MAPK10: variants seen among roughly 807,000 people sequenced by gnomAD.
MAPK10 encodes the protein mitogen-activated protein kinase 10.
MAPK10 carries 25 observed loss-of-function variants against 59.3 expected under a neutral mutation model. That is an observed-to-expected ratio of 0.42 (90% CI 0.31 to 0.59). MAPK10 has a LOEUF of 0.59. Among genes scored for constraint, MAPK10 ranks in the 20% least tolerant of loss-of-function variants. The pLI is 0.15. For synonymous variants in MAPK10, 190 were observed against 200.5 expected, an observed-to-expected ratio of 0.95 and a Z score of 0.44; for missense variants, 351 against 568.9, an observed-to-expected ratio of 0.62 and a Z score of 3.90.
intron 9 of MAPK10, 66 bp from the exon 10 acceptor site, chr4:86,068,021 T>A: frequency 1.9e-6 from 2 of 1,077,360 alleles, no homozygotes; most frequent in Non-Finnish European, 2.7e-6. Context: ...ATTGGGAGAC[T>A]AACTCTTCTC....
chr4:86,546,892 T>C (rs561949281), intron 1 of MAPK10, among the ~76,000 whole-genome samples: 159 of 152,096 alleles, frequency 1.0e-3, no homozygotes, highest in African/African-American at 3.8e-3. Context: ...CCATCTCTAC[T>C]AAATATACAA....
chr4:86,032,679 G>T (rs138494194), intron 11 of MAPK10: 3 of 152,274 alleles, frequency 2.0e-5, no homozygotes, highest in African/African-American at 7.2e-5. Context: ...TCTAATTCAT[G>T]CAGAATCTGT....
At chr4:86,420,020 C>T (rs1746312609) in intron 1 of MAPK10, among the ~76,000 whole-genome samples, 1 of 152,126 alleles carries the variant, frequency 6.6e-6, no homozygotes, top group Admixed American at 6.5e-5. Context: ...GAATATGTGC[C>T]AAGTGCTACA....
rs747893999 is a variant in MAPK10 at position 86,107,310 on chromosome 4, C to T, written c.279G>A (p.Lys93=). The T allele has an allele frequency of 1.2e-6, 2 of 1,613,304 alleles. No homozygotes were observed. The highest frequency in any genetic ancestry group is 4.5e-5 in the East Asian group (2 of 44,840). The change falls in exon 5 of 14, where the codon AAG becomes AAA. Residue 93 remains lysine, a synonymous_variant. Coordinates refer to ENST00000641462, the MANE Select transcript of MAPK10 (RefSeq NM_138982.4). Reference sequence around the variant, plus strand: ...GGTTCTGAAAGGGTCTGCTGAGCTTCTTAATGGCCACATTTCTGTCAAGGA... The same window carrying T: ...GGTTCTGAAAGGGTCTGCTGAGCTTTTTAATGGCCACATTTCTGTCAAGGA... ...DAVLDRNVAI[K]KLSRPFQNQT...
intron 2 of MAPK10, among the ~76,000 whole-genome samples, chr4:86,206,040 T>A (rs7696316): frequency 0.24 from 36,481 of 151,868 alleles, 5,343 homozygotes; most frequent in African/African-American, 0.4. Context: ...GATTTTTTTT[T>A]AATTTAATTT....
At chr4:86,401,083 C>T (rs1306927268) in intron 1 of MAPK10, among the ~76,000 whole-genome samples, 2 of 152,026 alleles carry the variant, frequency 1.3e-5, no homozygotes, top group Non-Finnish European at 2.9e-5. Context: ...CTTTTATTTT[C>T]CACTTGCCTC....
At chr4:86,409,840 T>C (rs549183599) in intron 1 of MAPK10, among the ~76,000 whole-genome samples, 1 of 152,228 alleles carries the variant, frequency 6.6e-6, no homozygotes, top group Non-Finnish European at 1.5e-5. Context: ...AATTATGTCA[T>C]CTGAAAACAG....
At chr4:86,068,563 C>T (rs966039873) in intron 9 of MAPK10, among the ~76,000 whole-genome samples, 2 of 151,990 alleles carry the variant, frequency 1.3e-5, no homozygotes, top group Non-Finnish European at 2.9e-5. Context: ...AAGAAGCCAC[C>T]TATTTCATAC....
chr4:86,214,697 TG>T (rs1182529040), intron 2 of MAPK10, among the ~76,000 whole-genome samples: 1 of 151,888 alleles, frequency 6.6e-6, no homozygotes, highest in East Asian at 1.9e-4. Context: ...ACTTAGGAAT[TG>T]ACTTAACCAA....
At chr4:86,180,927 T>C (rs955613318) in intron 3 of MAPK10, among the ~76,000 whole-genome samples, 3 of 152,042 alleles carry the variant, frequency 2.0e-5, no homozygotes, top group African/African-American at 7.2e-5. Flanking sequence ...AATACGGTGT[T>C]CTACAGCACT....
At chr4:86,192,923 G>A (rs1490401947) in intron 3 of MAPK10, 4 of 152,052 alleles carry the variant, frequency 2.6e-5, no homozygotes, top group Non-Finnish European at 5.9e-5. Context: ...ATCTACCTTT[G>A]GTTTTTGATG....
At chr4:86,204,814 T>C (rs991593694) in intron 2 of MAPK10, among the ~76,000 whole-genome samples, 1 of 152,024 alleles carries the variant, frequency 6.6e-6, no homozygotes, top group Non-Finnish European at 1.5e-5. Context: ...GCTTAAATTG[T>C]AGATGGGGAA....
At chr4:86,030,056 T>C (rs2038639452) in intron 12 of MAPK10, among the ~76,000 whole-genome samples, 2 of 152,180 alleles carry the variant, frequency 1.3e-5, no homozygotes, top group African/African-American at 2.4e-5. Flanking sequence ...CCTTTACATG[T>C]ACTTCTTTCT....
intron 3 of MAPK10, among the ~76,000 whole-genome samples, chr4:86,186,086 T>C (rs2078163398): frequency 6.6e-6 from 1 of 152,182 alleles, no homozygotes; most frequent in Admixed American, 6.6e-5. Context: ...TAATCATCTA[T>C]TTAACAAACA....
chr4:86,423,770 C>CTATATATATATATATATATAT (rs1746860083), intron 1 of MAPK10, among the ~76,000 whole-genome samples: 1 of 91,620 alleles, frequency 1.1e-5, no homozygotes, highest in African/African-American at 3.9e-5. Flanking sequence ...GATATATATA[C>CTATATATATATATATATATAT]ATATATATAT....
intron 2 of MAPK10, among the ~76,000 whole-genome samples, chr4:86,195,932 T>G (rs1214742393): frequency 6.6e-6 from 1 of 152,350 alleles, no homozygotes; most frequent in East Asian, 1.9e-4. Context: ...TATTGCATGG[T>G]GTATATGTGT....
intron 1 of MAPK10, among the ~76,000 whole-genome samples, chr4:86,560,621 C>G (rs941549980): frequency 2.8e-4 from 42 of 152,230 alleles, no homozygotes; most frequent in African/African-American, 9.6e-4. Flanking sequence ...CCTTATCTCT[C>G]TAACAGCTAA....
intron 1 of MAPK10, among the ~76,000 whole-genome samples, chr4:86,413,609 A>G (rs185321574): frequency 6.6e-6 from 1 of 152,240 alleles, no homozygotes; most frequent in East Asian, 1.9e-4. Flanking sequence ...TGAGCTATTC[A>G]AGCCTCAGCA....
At chr4:86,506,158 A>C (rs745723001) in intron 1 of MAPK10, among the ~76,000 whole-genome samples, 3 of 152,164 alleles carry the variant, frequency 2.0e-5, no homozygotes, top group Non-Finnish European at 4.4e-5. Flanking sequence ...TCCAAAAGAA[A>C]GGCAGTCGGT....
Sources: gnomAD v4.1 joint callset for allele counts (sites outside exome capture counted in the v4.1 genomes callset) on GRCh38, gnomAD v4.1.1 for gene constraint, MANE v1.5 for transcripts, NCBI Gene and HGNC (gene_info 2026-07-23, HGNC 2026-07-21) for gene names.